The following CELF1 variants were observed in gnomAD, a reference collection of about 807,000 sequenced individuals.
CELF1 encodes the protein CUGBP Elav-like family member 1, also known as 50 kDa nuclear polyadenylated RNA-binding protein.
A neutral mutation model predicts 61.8 loss-of-function variants in CELF1; 10 were observed. The observed-to-expected ratio is 0.16, with a 90% confidence interval of 0.10 to 0.27. The LOEUF is 0.27. CELF1 is among the 10% of genes least tolerant of loss of function. CELF1 has a pLI of 1.00. For missense variants in CELF1, 380 were observed against 639.1 expected (o/e 0.59, Z 4.37); for synonymous variants, 236 against 225.1 (o/e 1.05, Z -0.43).
At chr11:47,550,689 G>GTTT (rs923865857) in intron 1 of CELF1, among the ~76,000 whole-genome samples, 1 of 147,816 alleles carries the variant, frequency 6.8e-6, no homozygotes, top group Non-Finnish European at 1.5e-5. Context: ...TGACTTACCT[G>GTTT]TTTTTTTTTT....
At chr11:47,475,697 G>A (rs1371484857) in intron 12 of CELF1, among the ~76,000 whole-genome samples, 176 bp from the exon 13 acceptor site, 1 of 152,140 alleles carries the variant, frequency 6.6e-6, no homozygotes, top group Non-Finnish European at 1.5e-5. Context: ...CATTCACCAG[G>A]CCTTGCTAAT....
At chr11:47,502,119 A>C (rs961204380) in intron 1 of CELF1, among the ~76,000 whole-genome samples, 5 of 152,310 alleles carry the variant, frequency 3.3e-5, no homozygotes, top group Admixed American at 3.3e-4. Flanking sequence ...CAGTCATAGA[A>C]CTTTTGTTCA....
At chr11:47,555,116 A>G (rs2097202049), upstream of CELF1, among the ~76,000 whole-genome samples, 2 of 152,188 alleles carry the variant, frequency 1.3e-5, no homozygotes, top group African/African-American at 4.8e-5. Context: ...TCCATAGTAC[A>G]TGCTCAATAA....
At position 47,466,094 on chromosome 11, in the gene CELF1, T is replaced by C. The variant is rs1243916310; in HGVS notation, c.*6136A>G. 1.3e-5 allele frequency: 2 copies of C among 152,242 alleles called. No individual in the cohort carries two copies. Among genetic ancestry groups the C allele is most frequent in the Non-Finnish European group, 2.9e-5 (2 of 68,048 alleles). 9.4% of individuals were successfully genotyped at this position (152,242 alleles called of 1,614,324 possible). ...ACACAAAAAAAGGAAGGAGATTCCT[T>C]TGAAACACATACTCCCTTGCTCCAA... On this transcript the variant is annotated 3_prime_UTR_variant, in exon 15 of 15. Coordinates refer to ENST00000687097, the MANE Select transcript of CELF1 (RefSeq NM_001376376.1).
chr11:47,502,247 CTTT>C (rs1255252532), intron 1 of CELF1, among the ~76,000 whole-genome samples: 2 of 152,118 alleles, frequency 1.3e-5, no homozygotes, highest in African/African-American at 4.8e-5. Flanking sequence ...AGCAACACCG[CTTT>C]AAAAACCTAC....
At chr11:47,561,344 G>A (rs2097224517) in intron 2 of CELF1, among the ~76,000 whole-genome samples, 1 of 148,106 alleles carries the variant, frequency 6.8e-6, no homozygotes, top group South Asian at 2.1e-4. Flanking sequence ...TTGGGAGGCT[G>A]AGGCAGGAGA....
chr11:47,565,386 T>G (rs1229532352), exon 1 of CELF1: 16 of 292,312 alleles, frequency 5.5e-5, no homozygotes, highest in Non-Finnish European at 3.7e-5. Context: ...GCGCTCTCCC[T>G]TCGCCGGGGT....
At chr11:47,515,915 T>C (rs2095524579) in intron 1 of CELF1, among the ~76,000 whole-genome samples, 2 of 151,608 alleles carry the variant, frequency 1.3e-5, no homozygotes, top group African/African-American at 4.9e-5. Context: ...CTCTTTATTA[T>C]TTACTTATTT....
intron 1 of CELF1, among the ~76,000 whole-genome samples, chr11:47,545,312 C>T (rs1043833357): frequency 6.6e-6 from 1 of 152,046 alleles, no homozygotes; most frequent in South Asian, 2.1e-4. Flanking sequence ...CACCTATAAT[C>T]CCAGCTGCTT....
In CELF1 at chr11:47,475,343, C is replaced by G; in HGVS notation, c.1266G>C (p.Gln422His). The G allele has an allele frequency of 6.2e-7, 1 of 1,613,638 alleles. No individual in the cohort carries two copies. The highest frequency in any genetic ancestry group is 8.5e-7 in the Non-Finnish European group (1 of 1,179,998). ...TQQSIGAAGS[Q>H]KEGPEGANLF... Reference sequence around the variant, plus strand: ...ATCTCCCTTTGCACTCACCTTCCTTCTGGCTTCCAGCAGCACCAATACTCT... The same window carrying G: ...ATCTCCCTTTGCACTCACCTTCCTTGTGGCTTCCAGCAGCACCAATACTCT... Residue 422 changes from glutamine to histidine, a missense_variant, in exon 13 of 15, where the codon CAG becomes CAC. By Grantham distance (24) the Gln-to-His change is conservative (BLOSUM62 0). Coordinates refer to ENST00000687097, the MANE Select transcript of CELF1 (RefSeq NM_001376376.1).
At chr11:47,531,172 G>A (rs570059985) in intron 1 of CELF1, among the ~76,000 whole-genome samples, 1 of 152,118 alleles carries the variant, frequency 6.6e-6, no homozygotes, top group South Asian at 2.1e-4. Flanking sequence ...ACTTGAACCC[G>A]GGAGGTCGAT....
At chr11:47,565,475 G>A (rs1310887998) in exon 1 of CELF1, 12 of 684,204 alleles carry the variant, frequency 1.8e-5, no homozygotes, top group Non-Finnish European at 2.4e-5. Flanking sequence ...CAGTCCCCCA[G>A]AGTCCAGGCC....
intron 11 of CELF1, 166 bp downstream of exon 11, chr11:47,477,131 G>A (rs2080587133): frequency 1.1e-6 from 1 of 905,160 alleles, no homozygotes; most frequent in South Asian, 1.6e-5. Context: ...TTGAAAATCA[G>A]GAAGATTTCT....
At chr11:47,552,767 G>A (rs1565917134) in intron 1 of CELF1, among the ~76,000 whole-genome samples, 1 of 152,280 alleles carries the variant, frequency 6.6e-6, no homozygotes, top group Admixed American at 6.5e-5. Context: ...TGGGCGCGGG[G>A]GCACGCGCTG....
chr11:47,534,091 C>T (rs974920737), intron 1 of CELF1, among the ~76,000 whole-genome samples: 2 of 134,138 alleles, frequency 1.5e-5, no homozygotes, highest in African/African-American at 5.6e-5. Context: ...TACAGTGACA[C>T]AATCTCTGCT....
At position 47,553,099 on chromosome 11, in the gene CELF1, C is replaced by A. The variant is rs889190512; in HGVS notation, c.-261G>T. The A allele has an allele frequency of 5.0e-6, 2 of 398,776 alleles. No individual in the cohort carries two copies. The highest frequency in any genetic ancestry group is 1.2e-4 in the South Asian group (1 of 8,074). The allele number at this position is 398,776 out of a possible 1,614,324, so 24.7% of individuals were successfully genotyped here. A position where few individuals can be genotyped will look rare whatever the true frequency, so the allele number is the denominator to read the frequency against. ...GAATCCCGGGGGAGCCTCCGCGTCCCGCCGCCGCTGCCGCTGCCGCCAGAG... is the reference window on the plus strand; with the variant it reads ...GAATCCCGGGGGAGCCTCCGCGTCCAGCCGCCGCTGCCGCTGCCGCCAGAG... On this transcript the variant is annotated 5_prime_UTR_variant, in exon 1 of 15. Coordinates refer to ENST00000687097, the MANE Select transcript of CELF1 (RefSeq NM_001376376.1).
intron 11 of CELF1, 157 bp from the exon 12 acceptor site, chr11:47,477,116 G>A: frequency 1.2e-6 from 1 of 869,258 alleles, no homozygotes; most frequent in Non-Finnish European, 1.8e-6. Context: ...AATGGCCACA[G>A]CACATTGAAA....
At chr11:47,529,221 C>G (rs1478018066) in intron 1 of CELF1, among the ~76,000 whole-genome samples, 1 of 151,756 alleles carries the variant, frequency 6.6e-6, no homozygotes, top group East Asian at 1.9e-4. Flanking sequence ...GGCACTATAG[C>G]TCCTGGCTCC....
chr11:47,523,239 G>A (rs184695839), intron 1 of CELF1: 4 of 152,180 alleles, frequency 2.6e-5, no homozygotes, highest in Non-Finnish European at 5.9e-5. Flanking sequence ...TAATCAGAGT[G>A]TCACTTACTG....
Sources: allele counts gnomAD v4.1 joint callset (sites outside exome capture counted in the v4.1 genomes callset), GRCh38; gene constraint gnomAD v4.1.1; transcripts MANE v1.5; gene names NCBI Gene and HGNC (gene_info 2026-07-23, HGNC 2026-07-21).